The following MICU1 variants were observed in gnomAD, a reference collection of about 807,000 sequenced individuals.
MICU1 encodes calcium uptake protein 1, mitochondrial.
MICU1 carries 45 observed loss-of-function variants against 56.8 expected under a neutral mutation model. That is an observed-to-expected ratio of 0.79 (90% CI 0.62 to 1.02). MICU1 has a LOEUF of 1.02. MICU1 is among the 50% of genes least tolerant of loss of function. The pLI is 0.00. For synonymous variants in MICU1, 186 were observed against 195.1 expected (o/e 0.95, Z 0.39); for missense variants, 504 against 587.1 (o/e 0.86, Z 1.46).
chr10:72,372,089 C>T (rs1862364557), intron 11 of MICU1, among the ~76,000 whole-genome samples: 1 of 151,442 alleles, frequency 6.6e-6, no homozygotes, highest in African/African-American at 2.4e-5. Context: ...TAAATGTAGG[C>T]CAGGTGTGGT....
intron 9 of MICU1, among the ~76,000 whole-genome samples, chr10:72,418,169 T>C (rs1302440559): frequency 1.3e-5 from 2 of 152,130 alleles, no homozygotes; most frequent in African/African-American, 2.4e-5. Context: ...CCAGGACATA[T>C]GGGGATTATG....
At chr10:72,587,287 GCAAGACC>G (rs1441834481) in intron 1 of MICU1, among the ~76,000 whole-genome samples, 2 of 151,862 alleles carry the variant, frequency 1.3e-5, no homozygotes, top group Non-Finnish European at 2.9e-5. Flanking sequence ...AGCCAATACA[GCAAGACC>G]CCACATTTAC....
intron 7 of MICU1, among the ~76,000 whole-genome samples, chr10:72,476,859 G>C (rs937393214): frequency 1.3e-5 from 2 of 152,188 alleles, no homozygotes; most frequent in African/African-American, 4.8e-5. Context: ...CTAGCACATA[G>C]CAGCTTTTTG....
chr10:72,377,371 C>T (rs1162541469), intron 10 of MICU1, among the ~76,000 whole-genome samples: 3 of 152,052 alleles, frequency 2.0e-5, no homozygotes, highest in Non-Finnish European at 2.9e-5. Context: ...CTGCCCACCT[C>T]GGCCTCTCAA....
intron 8 of MICU1, among the ~76,000 whole-genome samples, chr10:72,450,103 T>C (rs1198963178): frequency 6.6e-6 from 1 of 152,036 alleles, no homozygotes; most frequent in Non-Finnish European, 1.5e-5. Context: ...TCAGGGAGTG[T>C]TTGCAGAGAG....
intron 10 of MICU1, among the ~76,000 whole-genome samples, chr10:72,396,345 A>C (rs551567821): frequency 1.3e-5 from 2 of 152,358 alleles, no homozygotes; most frequent in East Asian, 3.9e-4. Context: ...AGAGCAGAAA[A>C]GCTGAAAATT....
chr10:72,594,071 A>G (rs1442583649), intron 1 of MICU1, among the ~76,000 whole-genome samples: 1 of 152,244 alleles, frequency 6.6e-6, no homozygotes, highest in Non-Finnish European at 1.5e-5. Context: ...AGCTTGAAAA[A>G]GAGAAACAAT....
At chr10:72,625,382 A>G (rs895324677) in intron 1 of MICU1, among the ~76,000 whole-genome samples, 3 of 152,178 alleles carry the variant, frequency 2.0e-5, no homozygotes, top group African/African-American at 4.8e-5. Context: ...TGTTCTCCCA[A>G]CATTCACATA....
intron 6 of MICU1, among the ~76,000 whole-genome samples, chr10:72,482,143 C>T (rs763025703): frequency 6.6e-6 from 1 of 152,142 alleles, no homozygotes; most frequent in Non-Finnish European, 1.5e-5. Flanking sequence ...GATTTCATGG[C>T]TATTTCTCTC....
chr10:72,532,425 T>G (rs76380954), intron 5 of MICU1, among the ~76,000 whole-genome samples: 1 of 152,194 alleles, frequency 6.6e-6, no homozygotes, highest in Non-Finnish European at 1.5e-5. Flanking sequence ...AGTTAATTTT[T>G]TGCAAGTCAT....
intron 1 of MICU1, among the ~76,000 whole-genome samples, chr10:72,595,828 T>A (rs1380606846): frequency 1.3e-5 from 2 of 152,068 alleles, no homozygotes; most frequent in African/African-American, 4.8e-5. Context: ...TTTTAAAAAA[T>A]TTTGGATGAA....
At position 72,506,582 on chromosome 10, in the gene MICU1, T is replaced by C. The variant is rs149457426; in HGVS notation, c.652+1573A>G. 3.1e-3 allele frequency among the ~76,000 whole-genome samples: 472 copies of C among 152,318 alleles called. 2 individuals are homozygous for C. The highest frequency in any genetic ancestry group is 0.011 in the African/African-American group (446 of 41,560). ...TAAAAATCAGACACAAAGTAACATG[T>C]TGTGACAGAATAAAAAAATAAAAAC... On this transcript the variant is annotated intron_variant, in intron 6 of 11. Transcript: ENST00000361114.
At chr10:72,386,532 A>G (rs966391924) in intron 10 of MICU1, among the ~76,000 whole-genome samples, 6 of 142,224 alleles carry the variant, frequency 4.2e-5, no homozygotes, top group Non-Finnish European at 6.1e-5. Context: ...ATAGAGCCGC[A>G]CTCATCCCTC....
intron 1 of MICU1, among the ~76,000 whole-genome samples, chr10:72,608,682 TAA>T (rs538806060): frequency 1.9e-3 from 296 of 152,352 alleles, no homozygotes; most frequent in African/African-American, 6.8e-3. Flanking sequence ...TTAGTCGAAT[TAA>T]GTTTGGCCTA....
rs200355834 is a variant in MICU1, at chr10:72,416,827, GA to G, written c.1071+6406del. 2.0e-4 allele frequency among the ~76,000 whole-genome samples: 31 copies of G among 152,232 alleles called. No homozygotes were observed. In the East Asian group the frequency reaches 5.8e-3, roughly 28 times the overall value. On this transcript the variant is annotated intron_variant, in intron 9 of 11. Transcript: ENST00000361114. ...TCAAAAAGATCTCATACCTTTAATA[GA>G]GTACTCAACATATTTATCATTGCAC... is the stretch of plus-strand genomic sequence containing the variant.
At chr10:72,371,754 A>AATAT (rs1554856509) in intron 11 of MICU1, among the ~76,000 whole-genome samples, 41 of 150,252 alleles carry the variant, frequency 2.7e-4, no homozygotes, top group African/African-American at 9.5e-4. Flanking sequence ...CAAAGAAAAA[A>AATAT]ATATATATAT....
chr10:72,490,278 G>A (rs1866611324), intron 6 of MICU1, among the ~76,000 whole-genome samples: 1 of 152,152 alleles, frequency 6.6e-6, no homozygotes, highest in Non-Finnish European at 1.5e-5. Context: ...TGAACAAGAT[G>A]TAGGTGAAAG....
intron 6 of MICU1, among the ~76,000 whole-genome samples, chr10:72,488,346 G>A (rs1866542829): frequency 6.6e-6 from 1 of 151,854 alleles, no homozygotes; most frequent in Non-Finnish European, 1.5e-5. Context: ...TCTGTAATAT[G>A]GCAAAGAATA....
chr10:72,596,922 C>A (rs969865868), intron 1 of MICU1, among the ~76,000 whole-genome samples: 1 of 150,890 alleles, frequency 6.6e-6, no homozygotes, highest in African/African-American at 2.4e-5. Context: ...AAGAGTAAAC[C>A]CTGATGTAAA....
Sources: allele counts gnomAD v4.1 joint callset (sites outside exome capture counted in the v4.1 genomes callset), GRCh38; gene constraint gnomAD v4.1.1; transcripts MANE v1.5; gene names NCBI Gene and HGNC (gene_info 2026-07-23, HGNC 2026-07-21).